Variants in BCORL1 observed in about 807,000 individuals in gnomAD.
BCORL1 encodes the protein BCL-6 corepressor-like protein 1.
In BCORL1, 7 loss-of-function variants were observed where a neutral mutation model predicts 87.6. The observed-to-expected ratio is 0.08, with a 90% confidence interval of 0.05 to 0.15. The LOEUF is 0.15. Among genes scored for constraint, BCORL1 ranks in the 10% least tolerant of loss-of-function variants. BCORL1 has a pLI of 1.00. For synonymous variants in BCORL1, 591 were observed against 634.4 expected (o/e 0.93, Z 1.03); for missense variants, 1,215 against 1,499.7 (o/e 0.81, Z 3.13).
intron 2 of BCORL1, among the ~76,000 whole-genome samples, chrX:130,006,605 C>T (rs1225122911): frequency 1.8e-5 from 2 of 110,903 alleles, no homozygotes; most frequent in Non-Finnish European, 3.8e-5. Context: ...GTGATCCGCC[C>T]GCCTCGGCCT....
At chrX:129,994,407 TGAG>T (rs1476146744) in intron 1 of BCORL1, among the ~76,000 whole-genome samples, 3 of 111,831 alleles carry the variant, frequency 2.7e-5, no homozygotes, top group Non-Finnish European at 3.8e-5. Context: ...CCAGCACTAA[TGAG>T]GAGAGTGAAA....
At chrX:130,035,549 C>T (rs1930885596) in intron 9 of BCORL1, among the ~76,000 whole-genome samples, 1 of 111,861 alleles carries the variant, frequency 8.9e-6, no homozygotes, top group African/African-American at 3.3e-5. Context: ...CATCCCTATA[C>T]CTGAGTTGTT....
intron 2 of BCORL1, among the ~76,000 whole-genome samples, chrX:130,009,024 C>T (rs1041590636): frequency 1.8e-5 from 2 of 111,938 alleles, no homozygotes; most frequent in Admixed American, 9.5e-5. Flanking sequence ...ATTGCATGTC[C>T]GGGTCCAGTG....
chrX:129,988,929 A>G (rs1569355112), intron 1 of BCORL1, among the ~76,000 whole-genome samples: 1 of 111,396 alleles, frequency 9.0e-6, no homozygotes. Context: ...TGCACTGTAT[A>G]CCTGAATCCA....
chrX:129,997,757 A>T (rs1345240825), intron 1 of BCORL1, among the ~76,000 whole-genome samples: 15 of 90,618 alleles, frequency 1.7e-4, no homozygotes, highest in Non-Finnish European at 2.9e-4. Context: ...GCGCCATTGC[A>T]CTCCAGCCTT....
rs1260822189 is a variant in BCORL1 at position 130,021,080 on chromosome X, G to T, written c.3537G>T (p.Lys1179Asn). 1 of 1,201,019 alleles carries T rather than the reference G, an allele frequency of 8.3e-7. No individual in the cohort carries two copies. ...SGKEHNGVRG[K>N]HKHRKPTKPE... is the part of the protein sequence containing the mutation. Reference sequence around the variant, plus strand: ...AAGAGCACAATGGAGTCAGGGGAAAGCACAAGCACCGGAAGCCGACAAAGC... The same window carrying T: ...AAGAGCACAATGGAGTCAGGGGAAATCACAAGCACCGGAAGCCGACAAAGC... Residue 1179 changes from lysine to asparagine, a missense_variant, in exon 5 of 14, where the codon AAG (lysine) becomes AAT (asparagine). Physicochemically the swap from Lys to Asn is moderately conservative, Grantham distance 94. This residue lies in a region of BCORL1 where 861 missense variants were observed against 1,010.0 expected (regional missense o/e 0.85). Coordinates refer to ENST00000540052, the MANE Select transcript of BCORL1 (RefSeq NM_001379451.1).
Position 130,013,450 on chromosome X carries a change from C to T in BCORL1, c.678C>T (p.Ser226=), listed in dbSNP as rs781324841. Reference sequence around the variant, plus strand: ...CAGATGCATTCCAGGTTCCCCTCTCCGTCCCTGCCCCAGTCCCCCATTCAG... The same window carrying T: ...CAGATGCATTCCAGGTTCCCCTCTCTGTCCCTGCCCCAGTCCCCCATTCAG... ...SVPDAFQVPL[S]VPAPVPHSGL... The change falls in exon 4 of 14, where the codon TCC becomes TCT. Residue 226 remains serine, a synonymous_variant. Transcript: ENST00000540052. The T allele has an allele frequency of 2.5e-6, 3 of 1,208,945 alleles. No homozygotes were observed. Among genetic ancestry groups the T allele is most frequent in the African/African-American group, 3.5e-5 (2 of 56,909 alleles).
At chrX:130,031,321 T>G (rs969715361) in intron 8 of BCORL1, among the ~76,000 whole-genome samples, 4 of 112,545 alleles carry the variant, frequency 3.6e-5, no homozygotes, top group African/African-American at 1.3e-4. Flanking sequence ...GGATGGGGAC[T>G]GATCATGGCT....
At chrX:130,044,228 G>T (rs113169827) in intron 11 of BCORL1, among the ~76,000 whole-genome samples, 1 of 110,651 alleles carries the variant, frequency 9.0e-6, no homozygotes, top group African/African-American at 3.3e-5. Context: ...TTACTTTGCT[G>T]TCTGGCTGAG....
intron 2 of BCORL1, among the ~76,000 whole-genome samples, chrX:130,007,201 T>G (rs1478750432): frequency 8.9e-6 from 1 of 112,200 alleles, no homozygotes; most frequent in African/African-American, 3.2e-5. Context: ...TCTTAAGCCA[T>G]TAGTGCCTGA....
intron 1 of BCORL1, among the ~76,000 whole-genome samples, chrX:129,987,223 G>A (rs1483591723): frequency 8.9e-6 from 1 of 111,900 alleles, no homozygotes; most frequent in Non-Finnish European, 1.9e-5. Flanking sequence ...AAAGTAGGGT[G>A]GGGGAGAAAC....
chrX:130,034,649 G>A lies in BCORL1; in HGVS notation c.4500G>A (p.Leu1500=), dbSNP rs1445814575. ...IVNKNAGETL[L]QRAARLGYKD... The stretch of plus-strand genomic sequence containing the variant: ...ACAAAAATGCTGGTGAGACCCTCCT[G>A]CAGAGGGCGGCGCGTCTTGGCTATA... Residue 1500 remains leucine, a synonymous_variant, in exon 9 of 14, where the codon CTG becomes CTA. Transcript: ENST00000540052. The A allele has an allele frequency of 2.0e-6, 2 of 980,622 alleles. No individual in the cohort carries two copies. The highest frequency in any genetic ancestry group is 3.1e-5 in the Admixed American group (1 of 32,708). 80.8% of individuals were successfully genotyped at this position (980,622 alleles called of 1,213,427 possible).
intron 6 of BCORL1, among the ~76,000 whole-genome samples, chrX:130,023,497 C>T (rs1929995772): frequency 8.9e-6 from 1 of 112,148 alleles, no homozygotes; most frequent in Non-Finnish European, 1.9e-5. Context: ...GCCACCACTA[C>T]CTTCTGCTAG....
intron 1 of BCORL1, among the ~76,000 whole-genome samples, chrX:129,988,360 C>T (rs964819790): frequency 9.0e-6 from 1 of 110,872 alleles, no homozygotes; most frequent in Non-Finnish European, 1.9e-5. Context: ...AAATTTAACT[C>T]TGTGTTTCTA....
rs777120351 is a variant in BCORL1, at chrX:130,014,217, C to T, written c.1445C>T (p.Pro482Leu). The change falls in exon 4 of 14, where the codon CCG becomes CTG. Residue 482 changes from proline to leucine, a missense_variant. Physicochemically the swap from Pro to Leu is moderately conservative, Grantham distance 98. This residue lies in a region of BCORL1 where 861 missense variants were observed against 1,010.0 expected (regional missense o/e 0.85). Transcript: ENST00000540052. ...TCCACTCTTACGCTCCCTGTCCTGC[C>T]GTCCTACCTGCAGGACAGGTGTCTC... is the stretch of plus-strand genomic sequence containing the variant. ...VSSTLTLPVL[P>L]SYLQDRCLPG... 5 of 1,208,147 alleles carry T rather than the reference C, an allele frequency of 4.1e-6. No homozygotes were observed. Among genetic ancestry groups the T allele is most frequent in the African/African-American group, 1.8e-5 (1 of 56,763 alleles).
chrX:130,038,654 G>T (rs1931108687), intron 10 of BCORL1, among the ~76,000 whole-genome samples: 1 of 111,131 alleles, frequency 9.0e-6, no homozygotes, highest in African/African-American at 3.3e-5. Flanking sequence ...GCTAATTTTT[G>T]GATTTTTAGT....
chrX:130,011,539 G>T (rs1176293256), intron 2 of BCORL1, among the ~76,000 whole-genome samples: 3 of 48,021 alleles, frequency 6.2e-5, no homozygotes, highest in African/African-American at 5.3e-4. Flanking sequence ...ACCATGCCTG[G>T]CCTAATAGTT....
At chrX:130,038,724 C>G (rs987564857) in intron 10 of BCORL1, among the ~76,000 whole-genome samples, 2 of 111,460 alleles carry the variant, frequency 1.8e-5, no homozygotes, top group Non-Finnish European at 3.8e-5. Flanking sequence ...TCAAGTGATC[C>G]ACCTGCTTCG....
intron 10 of BCORL1, 110 bp from the exon 11 acceptor site, chrX:130,039,027 A>T: frequency 1.1e-6 from 1 of 894,966 alleles, no homozygotes; most frequent in Non-Finnish European, 1.6e-6. Flanking sequence ...TATTACACCA[A>T]GGTTACCTGG....
Sources: gnomAD v4.1 joint callset for allele counts (sites outside exome capture counted in the v4.1 genomes callset) on GRCh38, gnomAD v4.1.1 for gene constraint, gnomAD v4.1.1 regional missense constraint, MANE v1.5 for transcripts, NCBI Gene and HGNC (gene_info 2026-07-23, HGNC 2026-07-21) for gene names.